Variants in GABRG3 observed in about 807,000 individuals in gnomAD.
The protein encoded by GABRG3 is gamma-aminobutyric acid receptor subunit gamma-3.
Under a neutral mutation model 48.8 loss-of-function variants are expected in GABRG3, and 25 were observed. The observed-to-expected ratio is 0.51, with a 90% confidence interval of 0.37 to 0.72. The LOEUF (loss-of-function observed/expected upper bound fraction) is 0.72, where lower values mean the gene tolerates loss of function less well. Ranked by LOEUF, GABRG3 falls within the 30% of genes least tolerant of loss-of-function variation. GABRG3 has a pLI of 0.00. For missense variants in GABRG3, 394 were observed against 577.9 expected, an observed-to-expected ratio of 0.68 and a Z score of 3.26; for synonymous variants, 227 against 217.6, an observed-to-expected ratio of 1.04 and a Z score of -0.38.
At chr15:27,228,747 T>C (rs1391069970) in intron 3 of GABRG3, among the ~76,000 whole-genome samples, 1 of 152,242 alleles carries the variant, frequency 6.6e-6, no homozygotes, top group Non-Finnish European at 1.5e-5. Context: ...AACTTTTTAC[T>C]GATAGCCATT....
intron 3 of GABRG3, among the ~76,000 whole-genome samples, chr15:27,058,565 C>A (rs1337883422): frequency 2.0e-5 from 3 of 151,810 alleles, no homozygotes; most frequent in Non-Finnish European, 4.4e-5. Flanking sequence ...AAATTCCCAA[C>A]TGTCCGGCTA....
chr15:27,128,872 A>T lies in GABRG3; in HGVS notation c.270+102051A>T, dbSNP rs534483377. ...CAATGAGGTCAATTGGATATTTTTA[A>T]TTGATTTTCAGTTTTGAATTTTATT... On this transcript the variant is annotated intron_variant, in intron 3 of 9. Coordinates refer to ENST00000615808, the MANE Select transcript of GABRG3 (RefSeq NM_033223.5). Among the ~76,000 whole-genome samples, 44 of 152,346 alleles carry T rather than the reference A, an allele frequency of 2.9e-4. 1 individual carries two copies. Among genetic ancestry groups the T allele is most frequent in the African/African-American group, 1.0e-3 (43 of 41,580 alleles).
At chr15:27,190,947 A>G (rs553883987) in intron 3 of GABRG3, among the ~76,000 whole-genome samples, 95 of 152,268 alleles carry the variant, frequency 6.2e-4, no homozygotes, top group African/African-American at 2.2e-3. Context: ...TTGGTTTCAA[A>G]GAACATCTTT....
chr15:27,009,925 T>G (rs369804526), intron 2 of GABRG3, among the ~76,000 whole-genome samples: 82 of 151,960 alleles, frequency 5.4e-4, no homozygotes, highest in South Asian at 1.7e-3. Flanking sequence ...TTCTGCTGCT[T>G]CTTCTTCTTT....
At chr15:27,198,349 A>G (rs1283934041) in intron 3 of GABRG3, among the ~76,000 whole-genome samples, 1 of 152,272 alleles carries the variant, frequency 6.6e-6, no homozygotes, top group African/African-American at 2.4e-5. Flanking sequence ...ATGAACAGAC[A>G]TCTTTCAAAA....
chr15:27,476,530 T>TA lies in GABRG3; in HGVS notation c.575-4110dup, dbSNP rs367930836. 7.0e-3 allele frequency among the ~76,000 whole-genome samples: 1,026 copies of TA among 146,856 alleles called. 10 individuals are homozygous for TA. Among genetic ancestry groups the TA allele is most frequent in the African/African-American group, 0.023 (925 of 40,134 alleles). ...GAGTTGAAAAGTACAATGACTGCAA[T>TA]AAAAAAAAAATCACTGGGTTGACAT... is the stretch of plus-strand genomic sequence containing the variant. On this transcript the variant is annotated intron_variant, in intron 5 of 9. Transcript: ENST00000615808.
intron 3 of GABRG3, among the ~76,000 whole-genome samples, chr15:27,262,237 C>G (rs55702442): frequency 6.6e-6 from 1 of 152,160 alleles, no homozygotes; most frequent in Non-Finnish European, 1.5e-5. Context: ...CGCGCATTTG[C>G]GTCTGTTTGC....
At chr15:27,099,266 G>T (rs536112049) in intron 3 of GABRG3, among the ~76,000 whole-genome samples, 1 of 152,248 alleles carries the variant, frequency 6.6e-6, no homozygotes, top group Admixed American at 6.5e-5. Flanking sequence ...GTGCTAAGTT[G>T]TTGCGTTACT....
chr15:27,096,054 C>G lies in GABRG3; in HGVS notation c.270+69233C>G, dbSNP rs937097644. Reference sequence around the variant, plus strand: ...GCAGATCCTTGCATTTGGAAATGCTCCAATTCATCACATACGGTTCCCAGC... The same window carrying G: ...GCAGATCCTTGCATTTGGAAATGCTGCAATTCATCACATACGGTTCCCAGC... On this transcript the variant is annotated intron_variant, in intron 3 of 9. Transcript: ENST00000615808. Among the ~76,000 whole-genome samples the G allele has an allele frequency of 3.3e-5, 5 of 152,320 alleles. No homozygotes were observed. The East Asian group carries it at 9.7e-4, about 29-fold the overall frequency.
intron 3 of GABRG3, among the ~76,000 whole-genome samples, chr15:27,246,236 CTCTT>C (rs1361385884): frequency 2.0e-5 from 3 of 152,098 alleles, no homozygotes; most frequent in Admixed American, 6.5e-5. Context: ...GTCTCTTTCT[CTCTT>C]TCTTTTTAAA....
In GABRG3 at chr15:27,058,626, CTT is replaced by C. The variant is rs200563157; in HGVS notation, c.270+31817_270+31818del. Reference sequence around the variant, plus strand: ...TGATTTGTTGCAACCTGTGAAAGTACTTTTTTTTTTTTTCAAAGTCAAATTGC... The same window carrying C: ...TGATTTGTTGCAACCTGTGAAAGTACTTTTTTTTTTTCAAAGTCAAATTGC... On this transcript the variant is annotated intron_variant, in intron 3 of 9. Coordinates refer to ENST00000615808, the MANE Select transcript of GABRG3 (RefSeq NM_033223.5). 0.011 allele frequency among the ~76,000 whole-genome samples: 1,643 copies of C among 143,206 alleles called. 97 individuals are homozygous for C. In the East Asian group the frequency reaches 0.17, roughly 15 times the overall value. 93.9% of individuals were successfully genotyped at this position (143,206 alleles called of 152,430 possible).
intron 5 of GABRG3, among the ~76,000 whole-genome samples, chr15:27,464,256 GT>G (rs1176403941): frequency 6.6e-6 from 1 of 152,144 alleles, no homozygotes; most frequent in Non-Finnish European, 1.5e-5. Flanking sequence ...CCATTAAGCA[GT>G]TACTCCCTAT....
Position 27,307,391 on chromosome 15 carries a change from C to CATATATGTTTATATATTTATATATAAA in GABRG3, c.271-19418_271-19417insATATATGTTTATATATTTATATATAAA, listed in dbSNP as rs1566771063. On this transcript the variant is annotated intron_variant, in intron 3 of 9. Coordinates refer to ENST00000615808, the MANE Select transcript of GABRG3 (RefSeq NM_033223.5). ...TATAGGTTTATATATTTATATATAA[C>CATATATGTTTATATATTTATATATAAA]CATATAGGTTTATATATTTATATAT... Among the ~76,000 whole-genome samples, 3 of 11,764 alleles carry CATATATGTTTATATATTTATATATAAA rather than the reference C, an allele frequency of 2.6e-4. 1 individual carries two copies. The highest frequency in any genetic ancestry group is 7.0e-4 in the Non-Finnish European group (3 of 4,274). 7.7% of individuals were successfully genotyped at this position (11,764 alleles called of 152,430 possible). A position where few individuals can be genotyped will look rare whatever the true frequency, so the allele number is the denominator to read the frequency against.
At chr15:27,432,074 T>C (rs1204340324) in intron 5 of GABRG3, among the ~76,000 whole-genome samples, 1 of 152,244 alleles carries the variant, frequency 6.6e-6, no homozygotes, top group African/African-American at 2.4e-5. Flanking sequence ...TGGCTCATCC[T>C]GTAGGATATT....
intron 3 of GABRG3, among the ~76,000 whole-genome samples, chr15:27,030,970 T>C (rs1391040567): frequency 6.6e-6 from 1 of 152,104 alleles, no homozygotes; most frequent in Non-Finnish European, 1.5e-5. Context: ...TTTAAAAGAA[T>C]TAAATTAATA....
At chr15:26,973,200 C>T (rs1249060351) in intron 1 of GABRG3, among the ~76,000 whole-genome samples, 2 of 152,200 alleles carry the variant, frequency 1.3e-5, no homozygotes, top group African/African-American at 2.4e-5. Context: ...CTCACTACTG[C>T]ATGTGCTTAG....
chr15:27,512,474 G>T (rs1186312793), intron 6 of GABRG3, among the ~76,000 whole-genome samples: 2 of 152,180 alleles, frequency 1.3e-5, no homozygotes, highest in Non-Finnish European at 2.9e-5. Flanking sequence ...GGCACGAGAA[G>T]CAGGACTCAC....
intron 3 of GABRG3, among the ~76,000 whole-genome samples, chr15:27,049,002 G>A (rs1030616): frequency 0.078 from 11,849 of 152,314 alleles, 760 homozygotes; most frequent in Admixed American, 0.2. Flanking sequence ...AGCCTCGGAC[G>A]CACAGCCTGT....
chr15:27,455,309 T>C (rs900165188), intron 5 of GABRG3, among the ~76,000 whole-genome samples: 3 of 152,236 alleles, frequency 2.0e-5, no homozygotes, highest in African/African-American at 7.2e-5. Flanking sequence ...TACTAGTGTG[T>C]ATGTGTGCTG....
Sources: allele counts gnomAD v4.1 joint callset (sites outside exome capture counted in the v4.1 genomes callset), GRCh38; gene constraint gnomAD v4.1.1; transcripts MANE v1.5; gene names NCBI Gene and HGNC (gene_info 2026-07-23, HGNC 2026-07-21).